The following CATSPERD variants were observed in gnomAD, a reference collection of about 807,000 sequenced individuals.
The protein encoded by CATSPERD is catsper channel auxiliary subunit delta, also known as cation channel sperm-associated auxiliary subunit delta.
CATSPERD carries 86 observed loss-of-function variants against 98.1 expected under a neutral mutation model. The ratio of observed to expected loss-of-function variants is 0.88; its 90% CI spans 0.74 to 1.05. The LOEUF is 1.05. Ranked by LOEUF, CATSPERD falls within the 50% of genes least tolerant of loss-of-function variation. The pLI is 0.00. For synonymous variants in CATSPERD, 394 were observed against 390.2 expected (o/e 1.01, Z -0.12); for missense variants, 995 against 1,005.7 (o/e 0.99, Z 0.14).
rs1306752524 is a variant in CATSPERD, at chr19:5,722,733, C to A, written c.71+1925C>A. On this transcript the variant is annotated intron_variant, in intron 1 of 21. Transcript: ENST00000381624. ...CAGCAAACGGTGGTTTATCAAGACC[C>A]CCCCCCCCGCAACCCCGGTGATTCT... Among the ~76,000 whole-genome samples the A allele has an allele frequency of 3.6e-5, 5 of 140,096 alleles. No individual in the cohort carries two copies. In the South Asian group the frequency reaches 1.1e-3, roughly 31 times the overall value. The allele number at this position is 140,096 out of a possible 152,430, so 91.9% of individuals were successfully genotyped here. A position where few individuals can be genotyped will look rare whatever the true frequency, so the allele number is the denominator to read the frequency against.
chr19:5,753,293 G>A (rs1253910895), intron 12 of CATSPERD, among the ~76,000 whole-genome samples: 1 of 151,990 alleles, frequency 6.6e-6, no homozygotes, highest in South Asian at 2.1e-4. Flanking sequence ...GGGCGCGGTG[G>A]CTCACGCCTG....
chr19:5,745,435 A>C (rs2056075488), intron 8 of CATSPERD, among the ~76,000 whole-genome samples: 1 of 149,748 alleles, frequency 6.7e-6, no homozygotes, highest in Non-Finnish European at 1.5e-5. Context: ...CCTGGCCAAG[A>C]TGGTGAAACC....
At chr19:5,747,164 T>C (rs2056110068) in intron 9 of CATSPERD, among the ~76,000 whole-genome samples, 1 of 142,076 alleles carries the variant, frequency 7.0e-6, no homozygotes, top group Non-Finnish European at 1.5e-5. Context: ...CTCACAATGG[T>C]TTCCCTTTTT....
Position 5,754,128 on chromosome 19 carries a change from C to A in CATSPERD, c.1165-4C>A. The A allele has an allele frequency of 6.3e-7, 1 of 1,582,420 alleles. No homozygotes were observed. Among genetic ancestry groups the A allele is most frequent in the Non-Finnish European group, 8.7e-7 (1 of 1,151,176 alleles). ...TTATCTTTCTTCTTCGCCTTTTTAACTAGATAGAGTTTCTGACAGGAGAAT... is the reference window on the plus strand; with the variant it reads ...TTATCTTTCTTCTTCGCCTTTTTAAATAGATAGAGTTTCTGACAGGAGAAT... On this transcript the variant is annotated splice_region_variant and splice_polypyrimidine_tract_variant and intron_variant, in intron 12 of 21. Transcript: ENST00000381624.
At chr19:5,772,671 CCT>C (rs1467207805) in intron 19 of CATSPERD, 115 bp from the exon 20 acceptor site, 1 of 1,038,664 alleles carries the variant, frequency 9.6e-7, no homozygotes, top group South Asian at 1.6e-5. Context: ...CCTTTGGTTT[CCT>C]CTCTGTCACC....
At chr19:5,730,561 A>AAAATAAATAAAT (rs71172757) in intron 4 of CATSPERD, among the ~76,000 whole-genome samples, 76,088 of 149,026 alleles carry the variant, frequency 0.51, 19,723 homozygotes, top group East Asian at 0.78. Flanking sequence ...ATAATAAAAT[A>AAAATAAATAAAT]AAATAAATAA....
chr19:5,733,307 T>TTTTCTTTTTC (rs2055765653), intron 4 of CATSPERD, among the ~76,000 whole-genome samples: 1 of 146,858 alleles, frequency 6.8e-6, no homozygotes, highest in African/African-American at 2.6e-5. Context: ...TTCTTTTTCT[T>TTTTCTTTTTC]TTTCTTTCTT....
chr19:5,739,418 G>A lies in CATSPERD; in HGVS notation c.552G>A (p.Trp184Ter), dbSNP rs1478424485. Residue 184 changes from tryptophan (W) to a stop codon, truncating the protein, a stop_gained, in exon 7 of 22, where the codon TGG (tryptophan) becomes TGA (stop). Transcript: ENST00000381624. LOFTEE classifies it high-confidence loss of function. The part of the protein sequence containing the change: ...YYSNTGGFSF[W>*]KYHYDRQAEI... ...CAAATACTGGGGGATTCAGTTTTTG[G>A]AAGTATCACTATGACAGACAGGTAT... 1 of 1,544,856 alleles carries A rather than the reference G, an allele frequency of 6.5e-7. No homozygotes were observed. Among genetic ancestry groups the A allele is most frequent in the Non-Finnish European group, 8.8e-7 (1 of 1,134,424 alleles).
chr19:5,750,718 G>A (rs1030394525), intron 11 of CATSPERD, among the ~76,000 whole-genome samples: 2 of 151,878 alleles, frequency 1.3e-5, no homozygotes, highest in Non-Finnish European at 2.9e-5. Flanking sequence ...CTGGGCGACA[G>A]AGTGAGGCTC....
intron 9 of CATSPERD, among the ~76,000 whole-genome samples, chr19:5,746,468 G>A (rs906628614): frequency 1.3e-5 from 2 of 151,514 alleles, no homozygotes; most frequent in Non-Finnish European, 2.9e-5. Context: ...TCACTCTGTC[G>A]CCCAGGCTAG....
At chr19:5,762,064 T>A (rs1256939918) in intron 15 of CATSPERD, among the ~76,000 whole-genome samples, 29 of 22,212 alleles carry the variant, frequency 1.3e-3, no homozygotes, top group South Asian at 3.7e-3. Flanking sequence ...ATATATTTTT[T>A]TTTTTTTTTT....
rs35462774 is a variant in CATSPERD, at chr19:5,776,877, C to CAA, written c.2096+578_2096+579dup. Among the ~76,000 whole-genome samples, 816 of 119,530 alleles carry CAA rather than the reference C, an allele frequency of 6.8e-3. 8 individuals carry two copies. The highest frequency in any genetic ancestry group is 0.011 in the Non-Finnish European group (621 of 56,318). The allele number at this position is 119,530 out of a possible 152,430, so 78.4% of individuals were successfully genotyped here. A position where few individuals can be genotyped will look rare whatever the true frequency, so the allele number is the denominator to read the frequency against. On this transcript the variant is annotated intron_variant, in intron 21 of 21. Coordinates refer to ENST00000381624, the MANE Select transcript of CATSPERD (RefSeq NM_152784.4). ...TGGGTAACAGAGCGAGACTCCATCT[C>CAA]AAAAAAAAAAAAAAAAATTCAGGAA...
At chr19:5,766,288 TGAA>T in intron 17 of CATSPERD, 133 bp downstream of exon 17, 1 of 195,838 alleles carries the variant, frequency 5.1e-6, no homozygotes, top group Non-Finnish European at 8.4e-6. Context: ...CCGTCTCTAC[TGAA>T]AAAAAAAAAA....
intron 13 of CATSPERD, among the ~76,000 whole-genome samples, chr19:5,756,790 C>T (rs2056331978): frequency 6.6e-6 from 1 of 151,806 alleles, no homozygotes; most frequent in East Asian, 1.9e-4. Context: ...ACTAAAAACA[C>T]AAAAATTAGC....
At chr19:5,751,120 C>T (rs1388030687) in intron 11 of CATSPERD, among the ~76,000 whole-genome samples, 1 of 142,922 alleles carries the variant, frequency 7.0e-6, no homozygotes, top group African/African-American at 2.6e-5. Flanking sequence ...ATCGCTTGAA[C>T]CCGGGAGGCG....
chr19:5,733,811 T>C (rs1421167831), intron 4 of CATSPERD, 45 bp from the exon 5 acceptor site: 1 of 1,316,038 alleles, frequency 7.6e-7, no homozygotes, highest in South Asian at 1.2e-5. Context: ...GAATCAATGT[T>C]TGAAAAGATG....
At chr19:5,749,694 G>C (rs2056166833) in intron 11 of CATSPERD, among the ~76,000 whole-genome samples, 1 of 152,058 alleles carries the variant, frequency 6.6e-6, no homozygotes, top group Admixed American at 6.6e-5. Context: ...CTATTTGACA[G>C]ATGGAAAAAC....
At chr19:5,732,710 C>CT (rs1467615649) in intron 4 of CATSPERD, among the ~76,000 whole-genome samples, 3 of 152,082 alleles carry the variant, frequency 2.0e-5, no homozygotes, top group African/African-American at 7.2e-5. Context: ...GACCGAGTCT[C>CT]TGTCACCCAG....
At chr19:5,757,773 C>T (rs2056353570) in intron 13 of CATSPERD, 70 bp from the exon 14 acceptor site, 8 of 1,179,380 alleles carry the variant, frequency 6.8e-6, no homozygotes, top group Non-Finnish European at 1.0e-5. Context: ...GCTGGGCTCA[C>T]TGTGGGGGTT....
Sources: gnomAD v4.1 joint callset for allele counts (sites outside exome capture counted in the v4.1 genomes callset) on GRCh38, gnomAD v4.1.1 for gene constraint, MANE v1.5 for transcripts, NCBI Gene and HGNC (gene_info 2026-07-23, HGNC 2026-07-21) for gene names.